The following INPP4B variants were observed in gnomAD, a reference collection of about 807,000 sequenced individuals.
INPP4B encodes inositol polyphosphate 4-phosphatase type II.
Under a neutral mutation model 122.5 loss-of-function variants are expected in INPP4B, and 55 were observed. That is an observed-to-expected ratio of 0.45 (90% confidence interval 0.36 to 0.56). The LOEUF is 0.56. Among genes scored for constraint, INPP4B ranks in the 20% least tolerant of loss-of-function variants. The probability of loss-of-function intolerance (pLI) is 0.00; values close to 1 mark genes in which losing one functional copy is unlikely to be tolerated. For synonymous variants in INPP4B, 403 were observed against 388.7 expected (o/e 1.04, Z -0.43); for missense variants, 1,000 against 1,097.7 (o/e 0.91, Z 1.26).
intron 5 of INPP4B, among the ~76,000 whole-genome samples, chr4:142,412,651 C>T (rs1804858539): frequency 6.6e-6 from 1 of 152,092 alleles, no homozygotes; most frequent in African/African-American, 2.4e-5. Context: ...TGATTTATGG[C>T]CATGAATATA....
intron 2 of INPP4B, among the ~76,000 whole-genome samples, chr4:142,633,053 A>T (rs1560894598): frequency 6.6e-6 from 1 of 151,982 alleles, no homozygotes. Flanking sequence ...AAAGAAGGGA[A>T]ATATATATGT....
intron 16 of INPP4B, among the ~76,000 whole-genome samples, chr4:142,167,830 A>C (rs1228993094): frequency 6.6e-6 from 1 of 151,688 alleles, no homozygotes; most frequent in African/African-American, 2.4e-5. Context: ...TGTACATTCA[A>C]ATATCTCCTG....
At chr4:142,830,319 G>A (rs1248948002) in intron 1 of INPP4B, among the ~76,000 whole-genome samples, 1 of 152,176 alleles carries the variant, frequency 6.6e-6, no homozygotes, top group East Asian at 1.9e-4. Flanking sequence ...AATGAAGACA[G>A]AGAAGTACCT....
chr4:142,480,932 A>G (rs114541954), intron 2 of INPP4B, among the ~76,000 whole-genome samples: 2,900 of 152,046 alleles, frequency 0.019, 92 homozygotes, highest in African/African-American at 0.066. Flanking sequence ...ATAAAAGGTG[A>G]AAATCCTCAT....
intron 7 of INPP4B, among the ~76,000 whole-genome samples, chr4:142,348,279 G>T (rs1198616671): frequency 6.6e-6 from 1 of 152,016 alleles, no homozygotes; most frequent in Non-Finnish European, 1.5e-5. Flanking sequence ...TTTCATTATT[G>T]ATTGGCTTGG....
chr4:142,352,451 A>G (rs568604910), intron 7 of INPP4B, among the ~76,000 whole-genome samples: 13 of 151,792 alleles, frequency 8.6e-5, no homozygotes, highest in Non-Finnish European at 1.6e-4. Context: ...CATATTCTGT[A>G]TGATGTGAAA....
Position 142,611,649 on chromosome 4 carries a change from T to C in INPP4B, c.-191+114190A>G, listed in dbSNP as rs1235586570. Among the ~76,000 whole-genome samples the C allele has an allele frequency of 1.5e-4, 20 of 133,702 alleles. No homozygotes were observed. In the East Asian group the frequency reaches 4.3e-3, roughly 29 times the overall value. The allele number at this position is 133,702 out of a possible 152,430, so 87.7% of individuals were successfully genotyped here. A position where few individuals can be genotyped will look rare whatever the true frequency, so the allele number is the denominator to read the frequency against. On this transcript the variant is annotated intron_variant, in intron 2 of 25. Coordinates refer to ENST00000262992, the MANE Select transcript of INPP4B (RefSeq NM_001101669.3). ...TTTTTTCTTTTTTCTTTTTTTTTTT[T>C]TTTTTTTTTTTTGAGATGGAGTCTG...
chr4:142,582,911 C>A (rs771237520), intron 2 of INPP4B, among the ~76,000 whole-genome samples: 10 of 152,106 alleles, frequency 6.6e-5, no homozygotes, highest in Non-Finnish European at 1.2e-4. Flanking sequence ...TACTGCATGT[C>A]CTGTTATTGA....
chr4:142,544,020 T>C (rs541809573), intron 2 of INPP4B, among the ~76,000 whole-genome samples: 97 of 152,150 alleles, frequency 6.4e-4, no homozygotes, highest in Admixed American at 5.6e-3. Context: ...GAGAGGAATA[T>C]GTGTGGAAGT....
intron 2 of INPP4B, among the ~76,000 whole-genome samples, chr4:142,655,948 A>C (rs1264962486): frequency 6.6e-6 from 1 of 152,210 alleles, no homozygotes; most frequent in Non-Finnish European, 1.5e-5. Flanking sequence ...ATACTTGATT[A>C]ATCATTAATT....
At chr4:142,315,841 T>C (rs1767415858) in intron 7 of INPP4B, among the ~76,000 whole-genome samples, 1 of 151,702 alleles carries the variant, frequency 6.6e-6, no homozygotes, top group Non-Finnish European at 1.5e-5. Flanking sequence ...CTAAAACACT[T>C]AAAGGATCAA....
chr4:142,403,111 G>C, intron 6 of INPP4B, 57 bp from the exon 7 acceptor site: 1 of 893,812 alleles, frequency 1.1e-6, no homozygotes, highest in Non-Finnish European at 1.9e-6. Flanking sequence ...GTAGTTGGCA[G>C]CACGCAAGTG....
intron 16 of INPP4B, among the ~76,000 whole-genome samples, chr4:142,163,788 C>T (rs1335941781): frequency 6.6e-6 from 1 of 151,692 alleles, no homozygotes; most frequent in African/African-American, 2.4e-5. Context: ...GTTCTTGCAA[C>T]TGGGACGATA....
At chr4:142,110,564 G>A (rs774758553) in intron 22 of INPP4B, among the ~76,000 whole-genome samples, 4 of 152,232 alleles carry the variant, frequency 2.6e-5, no homozygotes, top group Non-Finnish European at 4.4e-5. Flanking sequence ...GAAAAAGGAG[G>A]TTCAGAGAAC....
At chr4:142,297,001 A>T (rs28537621) in intron 9 of INPP4B, among the ~76,000 whole-genome samples, 7 of 65,370 alleles carry the variant, frequency 1.1e-4, no homozygotes, top group African/African-American at 2.9e-4. Flanking sequence ...AAGTTACTTC[A>T]CTTGAAGTTA....
intron 7 of INPP4B, among the ~76,000 whole-genome samples, chr4:142,361,835 AT>A (rs1785523437): frequency 6.6e-6 from 1 of 151,988 alleles, no homozygotes; most frequent in South Asian, 2.1e-4. Context: ...AAAATAATTA[AT>A]TTTATAAGTA....
At chr4:142,676,353 C>T (rs9661142) in intron 2 of INPP4B, among the ~76,000 whole-genome samples, 6 of 152,102 alleles carry the variant, frequency 3.9e-5, no homozygotes, top group East Asian at 1.9e-4. Context: ...AGGACACAAA[C>T]GAATGGAAAA....
At chr4:142,447,231 C>A (rs1296934522) in intron 3 of INPP4B, among the ~76,000 whole-genome samples, 1 of 152,042 alleles carries the variant, frequency 6.6e-6, no homozygotes, top group Admixed American at 6.6e-5. Context: ...TTGTGGGGGC[C>A]TCAGTCTGAC....
intron 1 of INPP4B, among the ~76,000 whole-genome samples, chr4:142,749,220 TATATATA>T (rs1269395878): frequency 6.8e-6 from 1 of 147,172 alleles, no homozygotes; most frequent in Non-Finnish European, 1.5e-5. Flanking sequence ...TGTCTCAGCA[TATATATA>T]ATATATAATA....
Sources: allele counts gnomAD v4.1 joint callset (sites outside exome capture counted in the v4.1 genomes callset), GRCh38; gene constraint gnomAD v4.1.1; transcripts MANE v1.5; gene names NCBI Gene and HGNC (gene_info 2026-07-23, HGNC 2026-07-21).